The following NEGR1 variants were observed in gnomAD, a reference collection of about 807,000 sequenced individuals.
NEGR1 encodes neuronal growth regulator 1, also known as IgLON family member 4.
Under a neutral mutation model 40.9 loss-of-function variants are expected in NEGR1, and 10 were observed. The observed-to-expected ratio is 0.24, with a 90% confidence interval of 0.15 to 0.42. The LOEUF (loss-of-function observed/expected upper bound fraction) is 0.42, where lower values mean the gene tolerates loss of function less well. Ranked by LOEUF, NEGR1 falls within the 10% of genes least tolerant of loss-of-function variation. NEGR1 has a pLI of 1.00. For synonymous variants in NEGR1, 185 were observed against 166.8 expected (o/e 1.11, Z -0.84); for missense variants, 352 against 438.9 (o/e 0.80, Z 1.77).
chr1:71,763,278 A>T (rs1325120684), intron 3 of NEGR1, among the ~76,000 whole-genome samples: 1 of 152,122 alleles, frequency 6.6e-6, no homozygotes, highest in Non-Finnish European at 1.5e-5. Flanking sequence ...ATAGTACTTT[A>T]TGCCACCGCT....
intron 2 of NEGR1, among the ~76,000 whole-genome samples, chr1:71,915,383 A>G (rs1661546349): frequency 6.6e-6 from 1 of 152,178 alleles, no homozygotes; most frequent in Admixed American, 6.5e-5. Context: ...TCTATTGAAT[A>G]AGAAGTTAGA....
chr1:72,060,950 T>A (rs560413915), intron 1 of NEGR1, among the ~76,000 whole-genome samples: 7 of 151,618 alleles, frequency 4.6e-5, no homozygotes, highest in Non-Finnish European at 1.0e-4. Context: ...CATAACATAT[T>A]CTGAAATATT....
chr1:71,561,549 G>C (rs192277040), intron 6 of NEGR1, among the ~76,000 whole-genome samples: 1 of 151,684 alleles, frequency 6.6e-6, no homozygotes, highest in African/African-American at 2.4e-5. Context: ...AATTTGAAGA[G>C]ATAATTGCAA....
chr1:71,888,154 T>A (rs774486601), intron 2 of NEGR1, among the ~76,000 whole-genome samples: 19 of 152,156 alleles, frequency 1.2e-4, no homozygotes, highest in Non-Finnish European at 2.5e-4. Flanking sequence ...TTTTTTTTCT[T>A]CTAACCTATC....
intron 1 of NEGR1, among the ~76,000 whole-genome samples, chr1:72,058,873 T>C (rs1042472805): frequency 6.6e-6 from 1 of 151,680 alleles, no homozygotes; most frequent in Admixed American, 6.6e-5. Flanking sequence ...GTGAGCGGAA[T>C]TAACCTCCAC....
intron 2 of NEGR1, among the ~76,000 whole-genome samples, chr1:71,804,543 A>G (rs1261645613): frequency 6.6e-6 from 1 of 152,256 alleles, no homozygotes; most frequent in Non-Finnish European, 1.5e-5. Context: ...GACATTTATT[A>G]GTTCCCCAAA....
At chr1:72,073,307 C>T (rs1387988593) in intron 1 of NEGR1, among the ~76,000 whole-genome samples, 1 of 152,100 alleles carries the variant, frequency 6.6e-6, no homozygotes, top group Non-Finnish European at 1.5e-5. Flanking sequence ...TAAGGGCCAT[C>T]TTTCATCAGA....
At chr1:72,161,793 C>T (rs1651574554) in intron 1 of NEGR1, among the ~76,000 whole-genome samples, 1 of 150,920 alleles carries the variant, frequency 6.6e-6, no homozygotes, top group Non-Finnish European at 1.5e-5. Context: ...ATCCTCCTGC[C>T]TCAGCCTCCC....
At chr1:71,411,810 G>A (rs1301210837) in intron 6 of NEGR1, among the ~76,000 whole-genome samples, 1 of 151,990 alleles carries the variant, frequency 6.6e-6, no homozygotes, top group Non-Finnish European at 1.5e-5. Context: ...GAATAGCTTG[G>A]CCAACATGGC....
intron 3 of NEGR1, among the ~76,000 whole-genome samples, chr1:71,774,868 T>C (rs557454493): frequency 6.6e-5 from 10 of 152,308 alleles, no homozygotes; most frequent in South Asian, 4.2e-4. Context: ...GTTTTGATGA[T>C]GACTAAGGTC....
At chr1:71,902,905 T>G (rs1411457875) in intron 2 of NEGR1, among the ~76,000 whole-genome samples, 2 of 152,046 alleles carry the variant, frequency 1.3e-5, no homozygotes, top group Non-Finnish European at 2.9e-5. Flanking sequence ...TGGATGAGCT[T>G]CATTTATTAA....
At chr1:71,983,632 A>G (rs1646371696) in intron 1 of NEGR1, among the ~76,000 whole-genome samples, 1 of 152,192 alleles carries the variant, frequency 6.6e-6, no homozygotes, top group Non-Finnish European at 1.5e-5. Flanking sequence ...CTAAGTCTTC[A>G]TAAGTTCAGA....
intron 6 of NEGR1, among the ~76,000 whole-genome samples, chr1:71,589,124 T>C (rs1299771341): frequency 1.3e-5 from 2 of 152,178 alleles, no homozygotes; most frequent in Non-Finnish European, 2.9e-5. Flanking sequence ...AGTAACTAAC[T>C]GCCCAAATGT....
intron 1 of NEGR1, among the ~76,000 whole-genome samples, chr1:72,159,109 CT>C: frequency 6.6e-6 from 1 of 152,212 alleles, no homozygotes; most frequent in Non-Finnish European, 1.5e-5. Context: ...TGAGCATTTT[CT>C]TCTGTGCTTG....
chr1:72,080,761 A>G (rs1284444829), intron 1 of NEGR1, among the ~76,000 whole-genome samples: 2 of 152,134 alleles, frequency 1.3e-5, no homozygotes, highest in African/African-American at 4.8e-5. Context: ...GAAGCTTTCA[A>G]TGAGATGAAG....
chr1:71,483,746 G>A (rs1646869230), intron 6 of NEGR1, among the ~76,000 whole-genome samples: 1 of 151,642 alleles, frequency 6.6e-6, no homozygotes, highest in South Asian at 2.1e-4. Context: ...TGTCAGGTGT[G>A]TTCCATCTCT....
intron 1 of NEGR1, among the ~76,000 whole-genome samples, chr1:71,949,208 C>T (rs1367612223): frequency 6.6e-6 from 1 of 152,128 alleles, no homozygotes; most frequent in Non-Finnish European, 1.5e-5. Context: ...GTGAGATGGA[C>T]TGAAATGTCT....
chr1:71,721,966 G>T (rs1028849228), intron 3 of NEGR1, among the ~76,000 whole-genome samples: 4 of 152,060 alleles, frequency 2.6e-5, no homozygotes, highest in African/African-American at 9.7e-5. Flanking sequence ...GGCAAGTAGG[G>T]GAAGAGAAGC....
At chr1:71,940,725 T>C (rs1265215208) in intron 1 of NEGR1, among the ~76,000 whole-genome samples, 6 of 152,128 alleles carry the variant, frequency 3.9e-5, no homozygotes, top group African/African-American at 1.4e-4. Flanking sequence ...TAACAGAATA[T>C]GCCTGTGATA....
Sources: gnomAD v4.1 joint callset for allele counts (sites outside exome capture counted in the v4.1 genomes callset) on GRCh38, gnomAD v4.1.1 for gene constraint, MANE v1.5 for transcripts, NCBI Gene and HGNC (gene_info 2026-07-23, HGNC 2026-07-21) for gene names.